TTC39C: variants seen among roughly 807,000 people sequenced by gnomAD.
TTC39C encodes tetratricopeptide repeat protein 39C.
In TTC39C, 33 loss-of-function variants were observed where a neutral mutation model predicts 76.3. The ratio of observed to expected loss-of-function variants is 0.43; its 90% CI spans 0.33 to 0.58. The LOEUF (loss-of-function observed/expected upper bound fraction) is 0.58, where lower values mean the gene tolerates loss of function less well. TTC39C is among the 20% of genes least tolerant of loss of function. The probability of loss-of-function intolerance (pLI) is 0.04; values close to 1 mark genes in which losing one functional copy is unlikely to be tolerated. For missense variants in TTC39C, 595 were observed against 701.4 expected (o/e 0.85, Z 1.71); for synonymous variants, 254 against 260.6 (o/e 0.97, Z 0.24).
intron 8 of TTC39C, 59 bp downstream of exon 8, chr18:24,118,291 G>C: frequency 1.5e-6 from 2 of 1,347,954 alleles, no homozygotes; most frequent in South Asian, 2.5e-5. Context: ...CTCGCCTGAC[G>C]TGGGCAGATG....
chr18:24,006,548 G>A (rs2145631101), intron 1 of TTC39C: 1 of 117,802 alleles, frequency 8.5e-6, no homozygotes, highest in East Asian at 2.9e-4. Flanking sequence ...TTGACCAGCA[G>A]AGGAATACAA....
At position 24,080,939 on chromosome 18, in the gene TTC39C, CG is replaced by C; in HGVS notation, c.815+1del. On this transcript the variant is annotated splice_donor_variant, in intron 5 of 13. Coordinates refer to ENST00000317571, the MANE Select transcript of TTC39C (RefSeq NM_001135993.2). LOFTEE classifies it high-confidence loss of function. ...AAGGACATGAAGGCCCCTTTAGCTA[CG>C]TGAGTAGCTGTATTGCAATGCTTTG... The C allele has an allele frequency of 1.9e-6, 3 of 1,607,890 alleles. No individual in the cohort carries two copies. The highest frequency in any genetic ancestry group is 2.5e-6 in the Non-Finnish European group (3 of 1,176,760).
intron 1 of TTC39C, among the ~76,000 whole-genome samples, chr18:24,028,176 A>G (rs2145670296): frequency 6.6e-6 from 1 of 152,328 alleles, no homozygotes; most frequent in South Asian, 2.1e-4. Context: ...GGGCCGTGGT[A>G]TAGGGGAAAT....
intron 8 of TTC39C, among the ~76,000 whole-genome samples, chr18:24,123,237 GGA>G (rs2084996715): frequency 6.6e-6 from 1 of 152,164 alleles, no homozygotes; most frequent in Non-Finnish European, 1.5e-5. Context: ...CAGTAGCTAA[GGA>G]TTTTGTTATG....
chr18:24,071,064 G>T (rs2212646), intron 4 of TTC39C, among the ~76,000 whole-genome samples: 27,711 of 151,738 alleles, frequency 0.18, 2,812 homozygotes, highest in African/African-American at 0.26. Flanking sequence ...GAGTAGCTGG[G>T]ATTACAGGCG....
At chr18:24,039,099 C>T (rs2083762795) in intron 1 of TTC39C, among the ~76,000 whole-genome samples, 1 of 152,214 alleles carries the variant, frequency 6.6e-6, no homozygotes, top group South Asian at 2.1e-4. Flanking sequence ...TGCTGGCATC[C>T]TCATTCAGTC....
intron 6 of TTC39C, among the ~76,000 whole-genome samples, chr18:24,101,350 G>A (rs2084671845): frequency 1.3e-5 from 2 of 149,264 alleles, no homozygotes; most frequent in Non-Finnish European, 3.0e-5. Flanking sequence ...GCTCACGCCT[G>A]TAATCCCAGC....
intron 12 of TTC39C, 27 bp downstream of exon 12, chr18:24,130,444 A>T (rs1032442911): frequency 2.5e-5 from 23 of 931,306 alleles, no homozygotes; most frequent in Admixed American, 2.4e-4. Flanking sequence ...ATAATATAAT[A>T]TATATTTTTA....
At chr18:24,071,102 G>A (rs1368701888) in intron 4 of TTC39C, among the ~76,000 whole-genome samples, 2 of 151,842 alleles carry the variant, frequency 1.3e-5, no homozygotes, top group Non-Finnish European at 2.9e-5. Context: ...CTAATTTTTT[G>A]TACTTTTAGT....
At chr18:24,049,674 A>T (rs1373359756) in intron 1 of TTC39C, among the ~76,000 whole-genome samples, 1 of 152,208 alleles carries the variant, frequency 6.6e-6, no homozygotes, top group African/African-American at 2.4e-5. Flanking sequence ...GACCTAGGCT[A>T]GAGGCCGAGC....
intron 2 of TTC39C, 146 bp downstream of exon 2, chr18:24,064,334 A>G: frequency 5.2e-6 from 4 of 775,868 alleles, no homozygotes; most frequent in Non-Finnish European, 7.7e-6. Flanking sequence ...CTATTACCCA[A>G]TGCCTATGAA....
At chr18:24,082,015 G>GTTTTTTT (rs35218868) in intron 5 of TTC39C, among the ~76,000 whole-genome samples, 3 of 120,796 alleles carry the variant, frequency 2.5e-5, no homozygotes, top group African/African-American at 3.1e-5. Flanking sequence ...TCTGGCTGTT[G>GTTTTTTT]TTTTTTTTTT....
At chr18:24,044,578 A>G (rs2145697165) in intron 1 of TTC39C, among the ~76,000 whole-genome samples, 1 of 152,294 alleles carries the variant, frequency 6.6e-6, no homozygotes, top group South Asian at 2.1e-4. Flanking sequence ...TGTGACAGGA[A>G]CAAGGAAAGG....
chr18:24,014,754 C>A lies in TTC39C; in HGVS notation c.-118C>A. On this transcript the variant is annotated 5_prime_UTR_variant, in exon 1 of 14. Transcript: ENST00000317571. ...TCCCTCCCGTCTTCTCCCCTCCCCTCCCCTCCCCTCCCGGCTCCGCTTGGC... is the reference window on the plus strand; with the variant it reads ...TCCCTCCCGTCTTCTCCCCTCCCCTACCCTCCCCTCCCGGCTCCGCTTGGC... 1 of 1,142,038 alleles carries A rather than the reference C, an allele frequency of 8.8e-7. No individual in the cohort carries two copies. Among genetic ancestry groups the A allele is most frequent in the Non-Finnish European group, 1.1e-6 (1 of 928,266 alleles). The allele number at this position is 1,142,038 out of a possible 1,614,324, so 70.7% of individuals were successfully genotyped here. A position where few individuals can be genotyped will look rare whatever the true frequency, so the allele number is the denominator to read the frequency against.
intron 1 of TTC39C, among the ~76,000 whole-genome samples, chr18:24,008,718 A>G (rs1034198658): frequency 2.6e-4 from 40 of 152,252 alleles, no homozygotes; most frequent in African/African-American, 9.6e-4. Context: ...TCTGTCATAA[A>G]GACGCATGTA....
Position 24,054,151 on chromosome 18 carries a change from T to G in TTC39C, c.168-9989T>G, listed in dbSNP as rs185013794. ...AACCTCATATAAGTGAGGACTGTTCTCTACTTCTTGTGGGTTCAGTTCACT... is the reference window on the plus strand; with the variant it reads ...AACCTCATATAAGTGAGGACTGTTCGCTACTTCTTGTGGGTTCAGTTCACT... On this transcript the variant is annotated intron_variant, in intron 1 of 13. Coordinates refer to ENST00000317571, the MANE Select transcript of TTC39C (RefSeq NM_001135993.2). Among the ~76,000 whole-genome samples the G allele has an allele frequency of 1.9e-4, 29 of 152,312 alleles. No individual in the cohort carries two copies. In the East Asian group the frequency reaches 5.4e-3, roughly 28 times the overall value.
intron 1 of TTC39C, among the ~76,000 whole-genome samples, chr18:24,020,596 C>G (rs773076618): frequency 5.9e-5 from 9 of 152,204 alleles, no homozygotes; most frequent in Non-Finnish European, 8.8e-5. Flanking sequence ...TGCGTATCAC[C>G]TACACACATC....
intron 1 of TTC39C, among the ~76,000 whole-genome samples, chr18:24,062,932 A>G (rs746138143): frequency 2.6e-5 from 4 of 152,254 alleles, no homozygotes; most frequent in Non-Finnish European, 5.9e-5. Flanking sequence ...ATACACACAG[A>G]GTCACACACA....
intron 6 of TTC39C, among the ~76,000 whole-genome samples, chr18:24,088,294 T>C (rs1433584053): frequency 6.6e-6 from 1 of 152,252 alleles, no homozygotes; most frequent in Non-Finnish European, 1.5e-5. Context: ...AAATGAACTT[T>C]ATCTGTTATA....
Sources: allele counts gnomAD v4.1 joint callset (sites outside exome capture counted in the v4.1 genomes callset), GRCh38; gene constraint gnomAD v4.1.1; transcripts MANE v1.5; gene names NCBI Gene and HGNC (gene_info 2026-07-23, HGNC 2026-07-21).